Variants in ADAMTSL1 observed in about 807,000 individuals in gnomAD.
The protein encoded by ADAMTSL1 is ADAMTS like 1, also known as ADAMTS-like protein 1.
A neutral mutation model predicts 201.8 loss-of-function variants in ADAMTSL1; 126 were observed. That is an observed-to-expected ratio of 0.62 (90% CI 0.54 to 0.72). The LOEUF (loss-of-function observed/expected upper bound fraction) is 0.72. ADAMTSL1 is among the 30% of genes least tolerant of loss of function. ADAMTSL1 has a pLI of 0.00. For missense variants in ADAMTSL1, 2,679 were observed against 2,277.8 expected (o/e 1.18, Z -3.59); for synonymous variants, 1,121 against 903.4 (o/e 1.24, Z -4.32).
At chr9:18,812,752 C>T (rs923515479) in intron 20 of ADAMTSL1, among the ~76,000 whole-genome samples, 1 of 152,060 alleles carries the variant, frequency 6.6e-6, no homozygotes, top group Non-Finnish European at 1.5e-5. Flanking sequence ...GTTTTCCCAG[C>T]ACCATTTATT....
chr9:18,136,311 G>T (rs550584878), intron 1 of ADAMTSL1, among the ~76,000 whole-genome samples: 4 of 152,216 alleles, frequency 2.6e-5, no homozygotes, highest in African/African-American at 9.6e-5. Context: ...TTCAATGCAG[G>T]CAATCAGCTG....
chr9:18,255,631 G>C (rs1036830031), intron 2 of ADAMTSL1, among the ~76,000 whole-genome samples: 1 of 152,216 alleles, frequency 6.6e-6, no homozygotes, highest in African/African-American at 2.4e-5. Context: ...CATAAATATA[G>C]TGGTTTCCTC....
At chr9:18,000,511 C>G (rs1819568433) in intron 1 of ADAMTSL1, among the ~76,000 whole-genome samples, 2 of 151,978 alleles carry the variant, frequency 1.3e-5, no homozygotes, top group Non-Finnish European at 2.9e-5. Flanking sequence ...TTGACATCCA[C>G]AAATGAGATC....
chr9:18,721,143 C>T (rs551570590), intron 14 of ADAMTSL1, among the ~76,000 whole-genome samples: 26 of 152,216 alleles, frequency 1.7e-4, no homozygotes, highest in Non-Finnish European at 3.1e-4. Context: ...GATTTCCTTT[C>T]AATTAAAATA....
At chr9:18,288,960 G>A (rs1043674433) in intron 2 of ADAMTSL1, among the ~76,000 whole-genome samples, 2 of 152,168 alleles carry the variant, frequency 1.3e-5, no homozygotes, top group Admixed American at 1.3e-4. Context: ...CTAGCCTGTG[G>A]TTTCTTTACT....
At chr9:18,790,671 C>T (rs1475924421) in intron 19 of ADAMTSL1, among the ~76,000 whole-genome samples, 1 of 152,160 alleles carries the variant, frequency 6.6e-6, no homozygotes, top group Non-Finnish European at 1.5e-5. Flanking sequence ...CTTGCACCCT[C>T]TCGGCTGGTC....
intron 2 of ADAMTSL1, among the ~76,000 whole-genome samples, chr9:18,380,976 G>A (rs888337991): frequency 6.6e-6 from 1 of 152,164 alleles, no homozygotes; most frequent in Admixed American, 6.5e-5. Flanking sequence ...TGTGGGTAGC[G>A]TGTGTCTCCT....
intron 7 of ADAMTSL1, among the ~76,000 whole-genome samples, chr9:18,652,793 C>A (rs191159304): frequency 1.3e-5 from 2 of 152,294 alleles, no homozygotes; most frequent in East Asian, 1.9e-4. Flanking sequence ...TGAGGAGCAT[C>A]TGTAACCAAT....
chr9:18,486,294 C>T (rs145011669), intron 1 of ADAMTSL1, among the ~76,000 whole-genome samples: 81 of 152,342 alleles, frequency 5.3e-4, no homozygotes, highest in African/African-American at 1.9e-3. Flanking sequence ...AACTTTCTGT[C>T]ATTCAGCAAA....
chr9:18,765,486 G>A (rs941891967), intron 16 of ADAMTSL1, among the ~76,000 whole-genome samples: 3 of 112,012 alleles, frequency 2.7e-5, no homozygotes, highest in African/African-American at 3.7e-5. Flanking sequence ...ATTTTCAACA[G>A]TGTAAATATT....
At chr9:18,413,059 T>G (rs911880775) in intron 2 of ADAMTSL1, among the ~76,000 whole-genome samples, 3 of 152,200 alleles carry the variant, frequency 2.0e-5, no homozygotes, top group African/African-American at 7.2e-5. Context: ...TTTTACCTTT[T>G]TCTATACTCT....
intron 1 of ADAMTSL1, among the ~76,000 whole-genome samples, chr9:17,924,955 T>C (rs1344639283): frequency 7.8e-6 from 1 of 128,402 alleles, no homozygotes; most frequent in Admixed American, 9.0e-5. Flanking sequence ...AACCCACTCA[T>C]CTGACAAAGG....
intron 2 of ADAMTSL1, among the ~76,000 whole-genome samples, 176 bp from the exon 3 acceptor site, chr9:18,533,071 C>G (rs189083449): frequency 5.4e-4 from 82 of 152,132 alleles, no homozygotes; most frequent in African/African-American, 1.9e-3. Flanking sequence ...CAATTTACAT[C>G]TATAACTTCT....
chr9:18,176,624 A>G (rs962013935), intron 2 of ADAMTSL1, among the ~76,000 whole-genome samples: 1 of 152,218 alleles, frequency 6.6e-6, no homozygotes, highest in African/African-American at 2.4e-5. Context: ...AGTTGTTAAA[A>G]TGATGCAATT....
At chr9:18,110,936 C>T (rs1241883894) in intron 1 of ADAMTSL1, among the ~76,000 whole-genome samples, 1 of 152,118 alleles carries the variant, frequency 6.6e-6, no homozygotes, top group Non-Finnish European at 1.5e-5. Flanking sequence ...GTTGAACAAA[C>T]TTAGGTGAAG....
At chr9:18,732,890 G>T (rs1296310016) in intron 15 of ADAMTSL1, among the ~76,000 whole-genome samples, 1 of 152,266 alleles carries the variant, frequency 6.6e-6, no homozygotes, top group African/African-American at 2.4e-5. Context: ...ATGGCACAGT[G>T]CCCATCACTT....
chr9:18,314,442 A>G (rs1834279880), intron 2 of ADAMTSL1, among the ~76,000 whole-genome samples: 1 of 151,818 alleles, frequency 6.6e-6, no homozygotes, highest in Non-Finnish European at 1.5e-5. Context: ...GATCTCGCTG[A>G]CTTCAGGAGT....
chr9:18,504,167 C>T (rs938279807), intron 1 of ADAMTSL1, among the ~76,000 whole-genome samples: 1 of 152,146 alleles, frequency 6.6e-6, no homozygotes, highest in Non-Finnish European at 1.5e-5. Flanking sequence ...CTATAGCACA[C>T]ATTTTATCTT....
chr9:17,935,051 T>A (rs1385953541), intron 1 of ADAMTSL1, among the ~76,000 whole-genome samples: 2 of 152,162 alleles, frequency 1.3e-5, no homozygotes, highest in Non-Finnish European at 2.9e-5. Flanking sequence ...TTATTATCTC[T>A]TGAATGGATT....
Sources: gnomAD v4.1 joint callset for allele counts (sites outside exome capture counted in the v4.1 genomes callset) on GRCh38, gnomAD v4.1.1 for gene constraint, MANE v1.5 for transcripts, NCBI Gene and HGNC (gene_info 2026-07-23, HGNC 2026-07-21) for gene names.